The following SNX29 variants were observed in gnomAD, a reference collection of about 807,000 sequenced individuals.
The protein encoded by SNX29 is sorting nexin-29.
SNX29 carries 78 observed loss-of-function variants against 102.1 expected under a neutral mutation model. That is an observed-to-expected ratio of 0.76 (90% CI 0.64 to 0.92). The LOEUF (loss-of-function observed/expected upper bound fraction) is 0.92. SNX29 is among the 40% of genes least tolerant of loss of function. The pLI, the probability that SNX29 is intolerant of heterozygous loss-of-function variation, is 0.00. For synonymous variants in SNX29, 580 were observed against 414.5 expected, an observed-to-expected ratio of 1.40 and a Z score of -4.85; for missense variants, 1,280 against 1,061.7, an observed-to-expected ratio of 1.21 and a Z score of -2.86.
Position 12,524,748 on chromosome 16 carries a change from T to C in SNX29, c.2225T>C (p.Leu742Pro), listed in dbSNP as rs748897213. 6.2e-7 allele frequency: 1 copy of C among 1,613,652 alleles called. No individual in the cohort carries two copies. Among genetic ancestry groups the C allele is most frequent in the South Asian group, 1.1e-5 (1 of 91,054 alleles). Residue 742 changes from leucine to proline, a missense_variant, in exon 20 of 21, where the codon CTG (leucine) becomes CCG (proline). Coordinates refer to ENST00000566228, the MANE Select transcript of SNX29 (RefSeq NM_032167.5). ...EERRKQLQNY[L>P]RSVMNKVIQM... ...CGGAGAAAGCAGCTCCAGAATTACC[T>C]GCGCAGCGTCATGAACAAAGTCATC... is the stretch of plus-strand genomic sequence containing the variant.
Position 12,571,474 on chromosome 16 carries a change from C to T in SNX29, c.*2845C>T, listed in dbSNP as rs2079186295. On this transcript the variant is annotated 3_prime_UTR_variant, in exon 21 of 21. Coordinates refer to ENST00000566228, the MANE Select transcript of SNX29 (RefSeq NM_032167.5). ...CATCTGAGAACAGAAGCCCCCTCCC[C>T]TACTCAGAGAGGAACGAGGGTGGCC... is the stretch of plus-strand genomic sequence containing the variant. 1.1e-5 allele frequency: 3 copies of T among 266,252 alleles called. No homozygotes were observed. Among genetic ancestry groups the T allele is most frequent in the Non-Finnish European group, 2.0e-5 (3 of 148,888 alleles). 16.5% of individuals were successfully genotyped at this position (266,252 alleles called of 1,614,324 possible). A position where few individuals can be genotyped will look rare whatever the true frequency, so the allele number is the denominator to read the frequency against.
At chr16:12,061,319 A>G (rs2050764669) in intron 8 of SNX29, among the ~76,000 whole-genome samples, 1 of 152,188 alleles carries the variant, frequency 6.6e-6, no homozygotes, top group Admixed American at 6.5e-5. Context: ...CTGGCATATA[A>G]TAGGTGCTCA....
At chr16:12,228,048 G>T (rs2077665904) in intron 14 of SNX29, among the ~76,000 whole-genome samples, 1 of 152,142 alleles carries the variant, frequency 6.6e-6, no homozygotes, top group South Asian at 2.1e-4. Flanking sequence ...GACTTAGGTA[G>T]GAGGATCACT....
chr16:12,406,229 G>A (rs1023882379), intron 18 of SNX29, among the ~76,000 whole-genome samples: 2 of 152,226 alleles, frequency 1.3e-5, no homozygotes, highest in Non-Finnish European at 2.9e-5. Flanking sequence ...TGCACTCATT[G>A]ATTTATGAAT....
intron 16 of SNX29, among the ~76,000 whole-genome samples, chr16:12,390,922 T>A (rs1378038740): frequency 6.6e-6 from 1 of 151,304 alleles, no homozygotes; most frequent in African/African-American, 2.4e-5. Flanking sequence ...TTACTTAGAA[T>A]GAGGAAATAA....
chr16:12,479,435 A>G (rs1440487339), intron 19 of SNX29, among the ~76,000 whole-genome samples: 2 of 151,222 alleles, frequency 1.3e-5, no homozygotes, highest in Non-Finnish European at 3.0e-5. Context: ...CTATGTATAA[A>G]ACAGATTGAA....
At chr16:12,342,175 C>G (rs1042235083) in intron 15 of SNX29, among the ~76,000 whole-genome samples, 1 of 152,230 alleles carries the variant, frequency 6.6e-6, no homozygotes, top group African/African-American at 2.4e-5. Context: ...CTTACCTTCA[C>G]TGCGTATATC....
At chr16:12,142,459 A>G (rs1029095655) in intron 13 of SNX29, among the ~76,000 whole-genome samples, 4 of 152,180 alleles carry the variant, frequency 2.6e-5, no homozygotes, top group South Asian at 2.1e-4. Context: ...GGTGAGTACA[A>G]GATACACATG....
chr16:12,390,644 A>G (rs1002908135), intron 16 of SNX29, among the ~76,000 whole-genome samples: 1 of 152,056 alleles, frequency 6.6e-6, no homozygotes, highest in Admixed American at 6.6e-5. Context: ...AAACCCCAAA[A>G]CCACCATGCC....
chr16:12,239,639 CAAAAAAAAAAAA>C (rs61024203), intron 14 of SNX29, among the ~76,000 whole-genome samples: 32 of 62,566 alleles, frequency 5.1e-4, no homozygotes, highest in African/African-American at 1.9e-3. Flanking sequence ...CCTGTTTCTA[CAAAAAAAAAAAA>C]AAAAAAAAAA....
chr16:12,165,487 G>A (rs2055979764), intron 13 of SNX29, among the ~76,000 whole-genome samples: 1 of 152,170 alleles, frequency 6.6e-6, no homozygotes, highest in African/African-American at 2.4e-5. Flanking sequence ...GTCTGTATCA[G>A]CTAAACATTT....
intron 20 of SNX29, among the ~76,000 whole-genome samples, chr16:12,528,568 C>T (rs2076848881): frequency 6.6e-6 from 1 of 152,172 alleles, no homozygotes; most frequent in Non-Finnish European, 1.5e-5. Flanking sequence ...ACTTGGATGC[C>T]CCGTGTCCAC....
chr16:12,212,600 T>C (rs1481057037), intron 14 of SNX29, among the ~76,000 whole-genome samples: 3 of 152,196 alleles, frequency 2.0e-5, no homozygotes, highest in African/African-American at 7.2e-5. Context: ...AAAGATAATA[T>C]ATATTTTATA....
chr16:12,546,929 G>A (rs111607838), intron 20 of SNX29, among the ~76,000 whole-genome samples: 39 of 152,314 alleles, frequency 2.6e-4, no homozygotes, highest in African/African-American at 8.4e-4. Context: ...TGAGAGCAGG[G>A]ATGAAGAGAA....
At chr16:12,117,117 C>G (rs1325622304) in intron 11 of SNX29, among the ~76,000 whole-genome samples, 1 of 147,412 alleles carries the variant, frequency 6.8e-6, no homozygotes, top group African/African-American at 2.5e-5. Context: ...TGCGGACGAA[C>G]CATGGAAACA....
At chr16:12,430,861 T>A (rs1343986424) in intron 18 of SNX29, among the ~76,000 whole-genome samples, 4 of 151,240 alleles carry the variant, frequency 2.6e-5, no homozygotes. Flanking sequence ...TCTTTTTTTT[T>A]TTTTTTTGAG....
chr16:12,528,474 A>C (rs753551368), intron 20 of SNX29, among the ~76,000 whole-genome samples: 1 of 152,180 alleles, frequency 6.6e-6, no homozygotes, highest in Non-Finnish European at 1.5e-5. Flanking sequence ...TGCTGCAATT[A>C]CAGGTGTGAG....
At chr16:12,421,775 G>A (rs958443677) in intron 18 of SNX29, among the ~76,000 whole-genome samples, 5 of 151,774 alleles carry the variant, frequency 3.3e-5, no homozygotes, top group African/African-American at 1.2e-4. Context: ...ATCATTACCA[G>A]TTATCATCAT....
In SNX29 at chr16:12,571,982, A is replaced by T. The variant is rs1227403321; in HGVS notation, c.*3353A>T. ...ACAGTCTATGGTGGTAGCCATCTTC[A>T]CATCCAGTCACCAGTTGCATCTAGG... On this transcript the variant is annotated 3_prime_UTR_variant, in exon 21 of 21. Coordinates refer to ENST00000566228, the MANE Select transcript of SNX29 (RefSeq NM_032167.5). The T allele has an allele frequency of 1.6e-5, 17 of 1,061,872 alleles. No individual in the cohort carries two copies. The highest frequency in any genetic ancestry group is 1.9e-5 in the Non-Finnish European group (17 of 877,144). 65.8% of individuals were successfully genotyped at this position (1,061,872 alleles called of 1,614,324 possible).
Sources: allele counts gnomAD v4.1 joint callset (sites outside exome capture counted in the v4.1 genomes callset), GRCh38; gene constraint gnomAD v4.1.1; transcripts MANE v1.5; gene names NCBI Gene and HGNC (gene_info 2026-07-23, HGNC 2026-07-21).